Variants in BTBD9 observed in about 807,000 individuals in gnomAD.
The protein encoded by BTBD9 is BTB domain containing 9.
Under a neutral mutation model 64.3 loss-of-function variants are expected in BTBD9, and 49 were observed. The ratio of observed to expected loss-of-function variants is 0.76; its 90% confidence interval spans 0.61 to 0.97. The LOEUF is 0.97. Among genes scored for constraint, BTBD9 ranks in the 50% least tolerant of loss-of-function variants. The pLI is 0.00. For synonymous variants in BTBD9, 260 were observed against 274.7 expected (o/e 0.95, Z 0.53); for missense variants, 598 against 762.1 (o/e 0.78, Z 2.53).
intron 1 of BTBD9, among the ~76,000 whole-genome samples, chr6:38,613,378 T>C (rs1160356273): frequency 1.3e-5 from 2 of 152,092 alleles, no homozygotes; most frequent in African/African-American, 4.8e-5. Context: ...TCCCAAAACT[T>C]TGGGAGGCCA....
intron 6 of BTBD9, among the ~76,000 whole-genome samples, chr6:38,361,598 T>C (rs1433535387): frequency 6.6e-6 from 1 of 152,018 alleles, no homozygotes; most frequent in African/African-American, 2.4e-5. Flanking sequence ...CCCAGCACTT[T>C]GGGAGGCTGA....
At chr6:38,516,124 T>C (rs1288401792) in intron 6 of BTBD9, among the ~76,000 whole-genome samples, 1 of 150,838 alleles carries the variant, frequency 6.6e-6, no homozygotes, top group Non-Finnish European at 1.5e-5. Context: ...CTCACCTTAA[T>C]CAGCCCTACA....
chr6:38,294,021 A>AGACACTTCTC (rs1220630680), intron 7 of BTBD9, among the ~76,000 whole-genome samples: 1 of 152,230 alleles, frequency 6.6e-6, no homozygotes, highest in African/African-American at 2.4e-5. Flanking sequence ...GGATATGAAC[A>AGACACTTCTC]GACACTTCTC....
chr6:38,358,988 G>A (rs1764846730), intron 6 of BTBD9, among the ~76,000 whole-genome samples: 1 of 151,206 alleles, frequency 6.6e-6, no homozygotes, highest in Non-Finnish European at 1.5e-5. Flanking sequence ...AGCCAGGATG[G>A]TCTCGATCTC....
In BTBD9 at chr6:38,548,727, G is replaced by A. The variant is rs78995817; in HGVS notation, c.1154+28873C>T. ...AAAACCACACTATAATTCAAATATT[G>A]TTAAGGGTCATTGTCAATATGTTTA... is the stretch of plus-strand genomic sequence containing the variant. On this transcript the variant is annotated intron_variant, in intron 6 of 10. Coordinates refer to ENST00000481247, the MANE Select transcript of BTBD9 (RefSeq NM_001099272.2). Among the ~76,000 whole-genome samples the A allele has an allele frequency of 1.9e-3, 296 of 152,268 alleles. 6 individuals are homozygous for A. The East Asian group carries it at 0.037, about 19-fold the overall frequency.
intron 1 of BTBD9, among the ~76,000 whole-genome samples, chr6:38,601,217 TCAGGTGTA>T (rs1430497918): frequency 6.6e-6 from 1 of 152,212 alleles, no homozygotes; most frequent in Non-Finnish European, 1.5e-5. Flanking sequence ...CATCCCTTGC[TCAGGTGTA>T]CAAGTATACA....
chr6:38,530,094 C>T (rs1422346402), intron 6 of BTBD9, among the ~76,000 whole-genome samples: 1 of 152,164 alleles, frequency 6.6e-6, no homozygotes, highest in Non-Finnish European at 1.5e-5. Flanking sequence ...AATGTCTTGT[C>T]TTCTGCAGTT....
chr6:38,271,010 A>AT (rs1765180760), intron 8 of BTBD9, among the ~76,000 whole-genome samples: 1 of 152,124 alleles, frequency 6.6e-6, no homozygotes, highest in Admixed American at 6.5e-5. Context: ...TTTCAAGTCT[A>AT]TTTTTCCCTT....
At chr6:38,417,447 CT>C (rs1326461387) in intron 6 of BTBD9, among the ~76,000 whole-genome samples, 1 of 152,170 alleles carries the variant, frequency 6.6e-6, no homozygotes, top group East Asian at 1.9e-4. Context: ...AAGGCTTTGT[CT>C]TATTCACCTC....
At chr6:38,555,444 T>A (rs557873502) in intron 6 of BTBD9, among the ~76,000 whole-genome samples, 2 of 152,364 alleles carry the variant, frequency 1.3e-5, no homozygotes, top group South Asian at 4.1e-4. Flanking sequence ...AGGGGTTTCA[T>A]TACATTAAAA....
intron 8 of BTBD9, among the ~76,000 whole-genome samples, chr6:38,258,346 G>A (rs1764673877): frequency 6.6e-6 from 1 of 152,074 alleles, no homozygotes; most frequent in African/African-American, 2.4e-5. Flanking sequence ...TTTTGCTTCT[G>A]ACAGTGCCAC....
intron 9 of BTBD9, among the ~76,000 whole-genome samples, chr6:38,238,110 T>TA (rs1406359318): frequency 2.0e-5 from 3 of 152,220 alleles, no homozygotes; most frequent in Non-Finnish European, 2.9e-5. Flanking sequence ...CTTTGTCTCT[T>TA]AAAAAACAAA....
At chr6:38,454,464 T>A (rs1340727050) in intron 6 of BTBD9, among the ~76,000 whole-genome samples, 1 of 149,898 alleles carries the variant, frequency 6.7e-6, no homozygotes, top group African/African-American at 2.4e-5. Flanking sequence ...TATATTTAAT[T>A]ATCTTAAATA....
chr6:38,179,540 T>G (rs774464706), intron 10 of BTBD9: 1 of 456,722 alleles, frequency 2.2e-6, no homozygotes, highest in South Asian at 1.5e-5. Context: ...CTGCAATGAT[T>G]TCACTGAGTG....
intron 6 of BTBD9, among the ~76,000 whole-genome samples, chr6:38,464,567 C>T (rs1770256986): frequency 6.6e-6 from 1 of 152,152 alleles, no homozygotes; most frequent in African/African-American, 2.4e-5. Context: ...ACAATCTCGG[C>T]TCACTGCAAC....
chr6:38,358,587 A>G (rs1764823131), intron 6 of BTBD9, among the ~76,000 whole-genome samples: 1 of 152,194 alleles, frequency 6.6e-6, no homozygotes. Flanking sequence ...TCAGAGGAGT[A>G]GTGAGCAAAA....
intron 1 of BTBD9, among the ~76,000 whole-genome samples, chr6:38,613,796 T>C (rs909206101): frequency 2.6e-5 from 4 of 152,160 alleles, no homozygotes; most frequent in African/African-American, 9.7e-5. Context: ...CAATCTGGAC[T>C]CTGGGAGATG....
intron 1 of BTBD9, among the ~76,000 whole-genome samples, chr6:38,609,235 T>C (rs1777532560): frequency 6.6e-6 from 1 of 152,150 alleles, no homozygotes; most frequent in Non-Finnish European, 1.5e-5. Flanking sequence ...CCAGGCATGG[T>C]AGCGCACACC....
chr6:38,261,225 G>A (rs752595042), intron 8 of BTBD9, among the ~76,000 whole-genome samples: 4 of 151,974 alleles, frequency 2.6e-5, no homozygotes, highest in African/African-American at 7.3e-5. Context: ...TGAGTCCAGC[G>A]TATTATGAAA....
Sources: gnomAD v4.1 joint callset for allele counts (sites outside exome capture counted in the v4.1 genomes callset) on GRCh38, gnomAD v4.1.1 for gene constraint, MANE v1.5 for transcripts, NCBI Gene and HGNC (gene_info 2026-07-23, HGNC 2026-07-21) for gene names.